The following PPFIA2 variants were observed in gnomAD, a reference collection of about 807,000 sequenced individuals.
PPFIA2 encodes liprin-alpha-2.
Under a neutral mutation model 175.5 loss-of-function variants are expected in PPFIA2, and 46 were observed. The ratio of observed to expected loss-of-function variants is 0.26; its 90% CI spans 0.21 to 0.34. The LOEUF is 0.34. Among genes scored for constraint, PPFIA2 ranks in the 10% least tolerant of loss-of-function variants. The pLI, the probability that PPFIA2 is intolerant of heterozygous loss-of-function variation, is 1.00. For synonymous variants in PPFIA2, 568 were observed against 511.4 expected, an observed-to-expected ratio of 1.11 and a Z score of -1.49; for missense variants, 1,179 against 1,506.1, an observed-to-expected ratio of 0.78 and a Z score of 3.60.
chr12:81,369,692 G>A (rs2034560976), intron 11 of PPFIA2, among the ~76,000 whole-genome samples: 1 of 151,708 alleles, frequency 6.6e-6, no homozygotes. Flanking sequence ...AGATGAGGTA[G>A]AAGAGGTTGG....
intron 4 of PPFIA2, among the ~76,000 whole-genome samples, chr12:81,668,858 CA>C (rs1180872073): frequency 6.6e-6 from 1 of 152,022 alleles, no homozygotes; most frequent in Non-Finnish European, 1.5e-5. Flanking sequence ...AACCTCATTT[CA>C]CATTTTTTAA....
At chr12:81,395,586 T>C (rs996995617) in intron 8 of PPFIA2, among the ~76,000 whole-genome samples, 1 of 151,910 alleles carries the variant, frequency 6.6e-6, no homozygotes, top group Non-Finnish European at 1.5e-5. Context: ...CTTATCTGAC[T>C]GAAAACACTT....
At chr12:81,259,733 G>A (rs2034721507) in intron 32 of PPFIA2, 73 bp from the exon 33 acceptor site, 1 of 1,355,342 alleles carries the variant, frequency 7.4e-7, no homozygotes, top group African/African-American at 1.5e-5. Flanking sequence ...ACTCCTCTGT[G>A]GTGTACCTCC....
intron 4 of PPFIA2, among the ~76,000 whole-genome samples, chr12:81,583,653 T>C (rs2074746158): frequency 6.6e-6 from 1 of 151,958 alleles, no homozygotes; most frequent in South Asian, 2.1e-4. Context: ...TGGAGTATTC[T>C]TCATAATTAC....
intron 4 of PPFIA2, among the ~76,000 whole-genome samples, chr12:81,618,379 A>G (rs11114935): frequency 0.064 from 9,698 of 152,150 alleles, 431 homozygotes; most frequent in East Asian, 0.25. Context: ...AATATTTATT[A>G]AATAAATTAA....
chr12:81,585,791 G>A (rs1057196515), intron 4 of PPFIA2, among the ~76,000 whole-genome samples: 1 of 151,818 alleles, frequency 6.6e-6, no homozygotes, highest in Non-Finnish European at 1.5e-5. Context: ...TATAGTAAAT[G>A]TATAATCCAG....
intron 4 of PPFIA2, among the ~76,000 whole-genome samples, chr12:81,640,703 T>C (rs983713550): frequency 5.9e-5 from 9 of 152,116 alleles, no homozygotes; most frequent in African/African-American, 2.2e-4. Context: ...GCTTTTGTTA[T>C]AACCAGGATA....
intron 4 of PPFIA2, among the ~76,000 whole-genome samples, chr12:81,460,734 T>C (rs947551340): frequency 2.0e-5 from 3 of 152,082 alleles, no homozygotes; most frequent in Non-Finnish European, 4.4e-5. Context: ...TAACAGCAAA[T>C]AGGGTTAACA....
intron 19 of PPFIA2, 38 bp downstream of exon 19, chr12:81,344,626 T>C (rs2058719022): frequency 4.9e-6 from 7 of 1,429,634 alleles, no homozygotes; most frequent in Middle Eastern, 1.8e-4. Flanking sequence ...AATAAAACAG[T>C]ATTCAATTCG....
In PPFIA2 at chr12:81,268,063, C is replaced by T. The variant is rs1359637779; in HGVS notation, c.3335G>A (p.Arg1112Gln). Residue 1112 changes from arginine (R) to glutamine (Q), a missense_variant, in exon 29 of 33, where the codon CGA becomes CAA. Around this residue, in one of 10 missense-constraint regions of PPFIA2, gnomAD observed 245 missense variants for 375.1 expected, o/e 0.65. Coordinates refer to ENST00000549396, the MANE Select transcript of PPFIA2 (RefSeq NM_003625.5). ...IKDVLVWSND[R>Q]VIRWIQAIGL... ...AATTGCTTGTATCCAGCGAATAACT[C>T]GGTCATTGCTCCACACCAACACGTC... The T allele has an allele frequency of 5.6e-6, 9 of 1,597,046 alleles. No homozygotes were observed. The highest frequency in any genetic ancestry group is 2.3e-5 in the East Asian group (1 of 44,428).
At chr12:81,470,600 AC>A (rs1379023463) in intron 4 of PPFIA2, among the ~76,000 whole-genome samples, 2 of 152,234 alleles carry the variant, frequency 1.3e-5, no homozygotes, top group Non-Finnish European at 2.9e-5. Flanking sequence ...ACATATGTCC[AC>A]ACAGAATCTT....
chr12:81,357,973 AT>A (rs1370868676), intron 16 of PPFIA2, 108 bp downstream of exon 16: 3 of 1,165,656 alleles, frequency 2.6e-6, no homozygotes, highest in Non-Finnish European at 3.5e-6. Flanking sequence ...TGTGTTTCAA[AT>A]TAATAAAAAT....
intron 4 of PPFIA2, among the ~76,000 whole-genome samples, chr12:81,509,183 T>G (rs1473389285): frequency 6.6e-6 from 1 of 152,128 alleles, no homozygotes; most frequent in Non-Finnish European, 1.5e-5. Flanking sequence ...TTTTGTCCAA[T>G]TATTATCAGT....
At chr12:81,706,328 G>A (rs1596585775) in intron 3 of PPFIA2, among the ~76,000 whole-genome samples, 1 of 152,100 alleles carries the variant, frequency 6.6e-6, no homozygotes, top group Non-Finnish European at 1.5e-5. Flanking sequence ...TCCATCTAGG[G>A]AGGCTATATT....
At chr12:81,618,783 C>T (rs1454818790) in intron 4 of PPFIA2, among the ~76,000 whole-genome samples, 2 of 151,712 alleles carry the variant, frequency 1.3e-5, no homozygotes, top group African/African-American at 4.8e-5. Flanking sequence ...CCACCCGCCT[C>T]GGCCTCCCAA....
rs987017599 is a variant in PPFIA2, at chr12:81,448,248, T to TC, written c.406-2529dup. On this transcript the variant is annotated intron_variant, in intron 5 of 32. Transcript: ENST00000549396. ...TTAACTGCTTCTCCCTACCCTCATG[T>TC]CCTCATTGTCTCTTTACCCAGCTTA... is the stretch of plus-strand genomic sequence containing the variant. 5.3e-4 allele frequency among the ~76,000 whole-genome samples: 80 copies of TC among 152,334 alleles called. 1 individual carries two copies. Among genetic ancestry groups the TC allele is most frequent in the African/African-American group, 1.9e-3 (79 of 41,570 alleles).
intron 4 of PPFIA2, among the ~76,000 whole-genome samples, chr12:81,667,013 G>A (rs1195863574): frequency 6.6e-6 from 1 of 152,048 alleles, no homozygotes; most frequent in African/African-American, 2.4e-5. Context: ...TTAATAAATT[G>A]TAGTCTGAAC....
Position 81,347,629 on chromosome 12 carries a change from C to T in PPFIA2, c.2136G>A (p.Ser712=), listed in dbSNP as rs1304934246. The T allele has an allele frequency of 1.7e-5, 27 of 1,613,594 alleles. No homozygotes were observed. Among genetic ancestry groups the T allele is most frequent in the Non-Finnish European group, 2.3e-5 (27 of 1,179,780 alleles). Residue 712 remains serine (S), a synonymous_variant, in exon 18 of 33, where the codon TCG becomes TCA. Coordinates refer to ENST00000549396, the MANE Select transcript of PPFIA2 (RefSeq NM_003625.5). ...TSITASVTAS[S]LASSSPPSGH... ...CACTGGGGGGAGATGAACTGGCCAG[C>T]GATGAAGCTGTAACAGAGGCAGTAA... is the stretch of plus-strand genomic sequence containing the variant.
chr12:81,641,148 T>C (rs1379919726), intron 4 of PPFIA2, among the ~76,000 whole-genome samples: 1 of 152,172 alleles, frequency 6.6e-6, no homozygotes, highest in Non-Finnish European at 1.5e-5. Context: ...TTGAAATATA[T>C]AACAGGTGTT....
Sources: gnomAD v4.1 joint callset for allele counts (sites outside exome capture counted in the v4.1 genomes callset) on GRCh38, gnomAD v4.1.1 for gene constraint, gnomAD v4.1.1 regional missense constraint, MANE v1.5 for transcripts, NCBI Gene and HGNC (gene_info 2026-07-23, HGNC 2026-07-21) for gene names.